The following MGAT5B variants were observed in gnomAD, a reference collection of about 807,000 sequenced individuals.
The protein encoded by MGAT5B is N-acetylglucosaminyl-transferase Vb.
In MGAT5B, 54 loss-of-function variants were observed where a neutral mutation model predicts 95.1. The ratio of observed to expected loss-of-function variants is 0.57; its 90% confidence interval spans 0.46 to 0.71. The LOEUF (loss-of-function observed/expected upper bound fraction) is 0.71. Among genes scored for constraint, MGAT5B ranks in the 30% least tolerant of loss-of-function variants. The pLI is 0.00. For missense variants in MGAT5B, 935 were observed against 1,088.6 expected, an observed-to-expected ratio of 0.86 and a Z score of 1.99; for synonymous variants, 464 against 451.0, an observed-to-expected ratio of 1.03 and a Z score of -0.36.
At chr17:76,904,177 G>C in intron 5 of MGAT5B, 75 bp from the exon 6 acceptor site, 1 of 1,444,460 alleles carries the variant, frequency 6.9e-7, no homozygotes. Flanking sequence ...GACCCCTGGG[G>C]GTGCACGTGC....
Position 76,869,009 on chromosome 17 carries a change from T to G in MGAT5B, c.-21T>G, listed in dbSNP as rs1259834342. ...TGCGTCCGGCCTCGCCCGCGGCTGC[T>G]CGCACCAACAAGTTTGAACAATGAT... On this transcript the variant is annotated 5_prime_UTR_variant, in exon 1 of 18. Coordinates refer to ENST00000569840, the MANE Select transcript of MGAT5B (RefSeq NM_001199172.2). The surrounding 1 kb of genome is among the most constrained non-coding windows in gnomAD (Gnocchi z 7.0). 1.9e-6 allele frequency: 3 copies of G among 1,613,084 alleles called. No homozygotes were observed. The highest frequency in any genetic ancestry group is 1.7e-5 in the Admixed American group (1 of 59,994).
At position 76,948,077 on chromosome 17, in the gene MGAT5B, C is replaced by T. The variant is rs1970091416; in HGVS notation, c.2171C>T (p.Ala724Val). ...TTCCCCTTCCTGAACAGCCAGGACG[C>T]CTTCCTCAAGTGAGTGTTCCCCCAC... ...SFFPFLNSQD[A>V]FLKLQVPCDS... is the part of the protein sequence containing the mutation. The change falls in exon 17 of 18, where the codon GCC (alanine) becomes GTC (valine). Residue 724 changes from alanine to valine, a missense_variant. This residue lies in a region of MGAT5B where 440 missense variants were observed against 523.6 expected (regional missense o/e 0.84). Transcript: ENST00000569840. 1 of 1,600,476 alleles carries T rather than the reference C, an allele frequency of 6.2e-7. No homozygotes were observed. The highest frequency in any genetic ancestry group is 1.7e-5 in the Admixed American group (1 of 58,592).
intron 3 of MGAT5B, among the ~76,000 whole-genome samples, chr17:76,884,230 C>T (rs1935488467): frequency 2.0e-5 from 3 of 152,192 alleles, no homozygotes; most frequent in Non-Finnish European, 4.4e-5. Context: ...AAGCTTTAAT[C>T]TCCCAGAGGA....
rs1968946909 is a variant in MGAT5B, at chr17:76,916,589, A to G, written c.1026-8377A>G. 6.6e-6 allele frequency among the ~76,000 whole-genome samples: 1 copy of G among 152,204 alleles called. No homozygotes were observed. The highest frequency in any genetic ancestry group is 2.4e-5 in the African/African-American group (1 of 41,456). The stretch of plus-strand genomic sequence containing the variant: ...GATTACAGGCAGATCCCTTGAGTCT[A>G]GGAGTTCAAGACCAACCTGAGCAAG... On this transcript the variant is annotated intron_variant, in intron 8 of 17. Coordinates refer to ENST00000569840, the MANE Select transcript of MGAT5B (RefSeq NM_001199172.2). The surrounding 1 kb of genome is among the most constrained non-coding windows in gnomAD (Gnocchi z 5.3).
chr17:76,893,057 A>G (rs1967936276), intron 3 of MGAT5B, among the ~76,000 whole-genome samples: 1 of 152,144 alleles, frequency 6.6e-6, no homozygotes, highest in Non-Finnish European at 1.5e-5. Context: ...GGAGCTGCCC[A>G]GCTCACCTGT....
intron 8 of MGAT5B, chr17:76,913,877 A>G (rs1017839596): frequency 2.3e-6 from 1 of 435,552 alleles, no homozygotes. Flanking sequence ...TTGGGAGGTC[A>G]CGGCGGGAGG....
In MGAT5B at chr17:76,932,655, C is replaced by T; in HGVS notation, c.1302C>T (p.Pro434=). 8 of 1,613,866 alleles carry T rather than the reference C, an allele frequency of 5.0e-6. 1 individual carries two copies. The highest frequency in any genetic ancestry group is 1.1e-5 in the South Asian group (1 of 91,080). ...KQFMTMFPHT[P]DNSFMGFVSE... ...GTGCTCGGGCTGCAGCTCATACCCC[C>T]GACAACTCCTTCATGGGCTTCGTGT... is the stretch of plus-strand genomic sequence containing the variant. The change falls in exon 11 of 18, where the codon CCC becomes CCT. Residue 434 remains proline (P), a synonymous_variant. Coordinates refer to ENST00000569840, the MANE Select transcript of MGAT5B (RefSeq NM_001199172.2).
intron 10 of MGAT5B, among the ~76,000 whole-genome samples, chr17:76,928,010 A>T (rs1969368072): frequency 6.6e-6 from 1 of 151,908 alleles, no homozygotes. Context: ...TTTTTTTCTG[A>T]TTCTCTAGAC....
rs1598961911 is a variant in MGAT5B, at chr17:76,918,105, C to T, written c.1026-6861C>T. On this transcript the variant is annotated intron_variant, in intron 8 of 17. Transcript: ENST00000569840. This position sits in a 1 kb window ranked among gnomAD's most constrained non-coding sequence, Gnocchi z 5.1. ...GGAAAGAACGCTGGGGAAGAAAGTGCCAGCTTTGGACGCCAGCCCCACTTT... is the reference window on the plus strand; with the variant it reads ...GGAAAGAACGCTGGGGAAGAAAGTGTCAGCTTTGGACGCCAGCCCCACTTT... Among the ~76,000 whole-genome samples the T allele has an allele frequency of 6.6e-6, 1 of 152,298 alleles. No homozygotes were observed. The highest frequency in any genetic ancestry group is 1.9e-4 in the East Asian group (1 of 5,176).
chr17:76,920,317 T>C (rs1464812461), intron 8 of MGAT5B, among the ~76,000 whole-genome samples: 1 of 151,978 alleles, frequency 6.6e-6, no homozygotes, highest in Non-Finnish European at 1.5e-5. Flanking sequence ...GCCTTGGAGG[T>C]GCAGAAAGGT....
Position 76,948,936 on chromosome 17 carries a change from G to A in MGAT5B, c.*98G>A, listed in dbSNP as rs117203281. 83 of 1,318,256 alleles carry A rather than the reference G, an allele frequency of 6.3e-5. No individual in the cohort carries two copies. Among genetic ancestry groups the A allele is most frequent in the Middle Eastern group, 5.3e-4 (2 of 3,750 alleles). The allele number at this position is 1,318,256 out of a possible 1,614,324, so 81.7% of individuals were successfully genotyped here. On this transcript the variant is annotated 3_prime_UTR_variant, in exon 18 of 18. Transcript: ENST00000569840. Reference sequence around the variant, plus strand: ...TGAGCCCTGGCTGCTTGTCCTCCTCGCAACCCCCCCAGGCCGGAGCTTCCT... The same window carrying A: ...TGAGCCCTGGCTGCTTGTCCTCCTCACAACCCCCCCAGGCCGGAGCTTCCT...
intron 2 of MGAT5B, among the ~76,000 whole-genome samples, chr17:76,878,831 G>A (rs1427371749): frequency 6.6e-6 from 1 of 152,158 alleles, no homozygotes; most frequent in Non-Finnish European, 1.5e-5. Flanking sequence ...AATCTCCGGA[G>A]GCAATTAGGG....
intron 3 of MGAT5B, among the ~76,000 whole-genome samples, chr17:76,897,011 C>A (rs761743083): frequency 7.2e-5 from 11 of 152,022 alleles, no homozygotes; most frequent in Admixed American, 1.3e-4. Context: ...CTGGACCTCA[C>A]GGGCGCAAAC....
chr17:76,942,058 G>A (rs1969877905), intron 15 of MGAT5B, among the ~76,000 whole-genome samples: 1 of 152,200 alleles, frequency 6.6e-6, no homozygotes. Flanking sequence ...CGGAGGGTGG[G>A]GCGCTGATGG....
chr17:76,881,105 G>C (rs1330751521), intron 2 of MGAT5B, among the ~76,000 whole-genome samples: 1 of 152,190 alleles, frequency 6.6e-6, no homozygotes, highest in Non-Finnish European at 1.5e-5. Flanking sequence ...CCTATGGACT[G>C]TGTGGAGGGG....
chr17:76,915,924 C>T lies in MGAT5B; in HGVS notation c.1026-9042C>T, dbSNP rs192889040. ...CAGACACCTGACCCAAGTTGGCTGG[C>T]GGTCAGAACCCTTCCCCAGGAAATT... On this transcript the variant is annotated intron_variant, in intron 8 of 17. Transcript: ENST00000569840. This position sits in a 1 kb window ranked among gnomAD's most constrained non-coding sequence, Gnocchi z 8.7. 2.4e-4 allele frequency among the ~76,000 whole-genome samples: 37 copies of T among 152,356 alleles called. No homozygotes were observed. The highest frequency in any genetic ancestry group is 3.8e-4 in the Non-Finnish European group (26 of 68,028).
rs991907566 is a variant in MGAT5B at position 76,939,041 on chromosome 17, T to G, written c.1584+898T>G. Among the ~76,000 whole-genome samples the G allele has an allele frequency of 1.4e-4, 20 of 147,282 alleles. No individual in the cohort carries two copies. In the South Asian group the frequency reaches 2.6e-3, roughly 19 times the overall value. On this transcript the variant is annotated intron_variant, in intron 13 of 17. Transcript: ENST00000569840. The stretch of plus-strand genomic sequence containing the variant: ...AAGGCATCTTGGGGGTGTGTGTGTG[T>G]GTGTGTGTGTGTGTGTGTGTGTGTG...
At position 76,914,892 on chromosome 17, in the gene MGAT5B, C is replaced by T. The variant is rs1968872489; in HGVS notation, c.1025+8705C>T. Among the ~76,000 whole-genome samples, 1 of 152,222 alleles carries T rather than the reference C, an allele frequency of 6.6e-6. No individual in the cohort carries two copies. The highest frequency in any genetic ancestry group is 6.5e-5 in the Admixed American group (1 of 15,280). ...ACCTCAGGTGTTCCACCCACCTCGG[C>T]CTCCCAAAGTGCTGGGATTACAGGC... On this transcript the variant is annotated intron_variant, in intron 8 of 17. Transcript: ENST00000569840. This position sits in a 1 kb window ranked among gnomAD's most constrained non-coding sequence, Gnocchi z 5.1.
At chr17:76,936,387 G>A (rs1009720329) in intron 12 of MGAT5B, among the ~76,000 whole-genome samples, 20 of 152,160 alleles carry the variant, frequency 1.3e-4, no homozygotes, top group Non-Finnish European at 2.5e-4. Context: ...CAGCCTGGGC[G>A]ACAGAGGGAG....
Sources: gnomAD v4.1 joint callset for allele counts (sites outside exome capture counted in the v4.1 genomes callset) on GRCh38, gnomAD v4.1.1 for gene constraint, gnomAD v4.1.1 regional missense constraint, Gnocchi (gnomAD v3.1) non-coding constraint, MANE v1.5 for transcripts, NCBI Gene and HGNC (gene_info 2026-07-23, HGNC 2026-07-21) for gene names.